Variants in GALNT13 observed in about 807,000 individuals in gnomAD.
The protein encoded by GALNT13 is polypeptide N-acetylgalactosaminyltransferase 13, also known as UDP-GalNAc:polypeptide N-acetylgalactosaminyltransferase 13.
A neutral mutation model predicts 64.2 loss-of-function variants in GALNT13; 28 were observed. The observed-to-expected ratio is 0.44, with a 90% confidence interval of 0.32 to 0.60. The LOEUF (loss-of-function observed/expected upper bound fraction) is 0.60, where lower values mean the gene tolerates loss of function less well. Among genes scored for constraint, GALNT13 ranks in the 20% least tolerant of loss-of-function variants. GALNT13 has a pLI of 0.05. For synonymous variants in GALNT13, 214 were observed against 224.6 expected (o/e 0.95, Z 0.42); for missense variants, 577 against 669.8 (o/e 0.86, Z 1.53).
At chr2:153,813,946 G>T in the GALNT13 span, among the ~76,000 whole-genome samples, 1 of 152,252 alleles carries the variant, frequency 6.6e-6, no homozygotes, top group Middle Eastern at 3.4e-3. Flanking sequence ...TGGCACTTTG[G>T]TGCTCCCTGA....
chr2:153,403,160 G>A, the GALNT13 span, among the ~76,000 whole-genome samples: 2 of 151,074 alleles, frequency 1.3e-5, no homozygotes, highest in South Asian at 2.1e-4. Context: ...AGGACCCTCA[G>A]CTGCAGGTCT....
At chr2:154,307,066 C>A (rs1044927520) in intron 9 of GALNT13, among the ~76,000 whole-genome samples, 2 of 151,748 alleles carry the variant, frequency 1.3e-5, no homozygotes, top group Non-Finnish European at 1.5e-5. Context: ...TGAACAAGGA[C>A]AGTTTGGAGG....
chr2:153,730,011 T>G, the GALNT13 span, among the ~76,000 whole-genome samples: 1 of 152,002 alleles, frequency 6.6e-6, no homozygotes, highest in Non-Finnish European at 1.5e-5. Context: ...ATAACCACAC[T>G]GCCCAAAGCA....
chr2:153,596,606 T>G, the GALNT13 span, among the ~76,000 whole-genome samples: 100 of 152,254 alleles, frequency 6.6e-4, no homozygotes, highest in Middle Eastern at 3.4e-3. Context: ...AATTAATCTT[T>G]AACCTCAATT....
At chr2:153,980,974 AT>A (rs924327152) in intron 3 of GALNT13, among the ~76,000 whole-genome samples, 10 of 152,276 alleles carry the variant, frequency 6.6e-5, no homozygotes, top group African/African-American at 2.2e-4. Flanking sequence ...GCAATCTCAA[AT>A]GATATTTTAT....
chr2:153,611,066 A>G, the GALNT13 span, among the ~76,000 whole-genome samples: 19 of 152,312 alleles, frequency 1.2e-4, no homozygotes, highest in East Asian at 3.7e-3. Context: ...TCAAATCAGC[A>G]AAAAAGAATT....
chr2:154,185,563 T>C (rs1686204656), intron 4 of GALNT13, among the ~76,000 whole-genome samples: 1 of 151,964 alleles, frequency 6.6e-6, no homozygotes, highest in African/African-American at 2.4e-5. Flanking sequence ...TTTGTTTCTT[T>C]GACTGGATAA....
In GALNT13 at chr2:153,991,223, C is replaced by T. The variant is rs1326403114; in HGVS notation, c.142+46584C>T. Reference sequence around the variant, plus strand: ...TGTTTGGAATACTGTTTAACACATTCCAATAAAGCACTGGCTGGGCAGGGC... The same window carrying T: ...TGTTTGGAATACTGTTTAACACATTTCAATAAAGCACTGGCTGGGCAGGGC... On this transcript the variant is annotated intron_variant, in intron 3 of 12. Transcript: ENST00000392825. Among the ~76,000 whole-genome samples the T allele has an allele frequency of 2.6e-5, 4 of 152,098 alleles. No homozygotes were observed. In the East Asian group the frequency reaches 7.7e-4, roughly 29 times the overall value.
the GALNT13 span, among the ~76,000 whole-genome samples, chr2:153,237,276 A>G: frequency 6.6e-6 from 1 of 152,110 alleles, no homozygotes; most frequent in Non-Finnish European, 1.5e-5. Flanking sequence ...CATACAATGT[A>G]TAATAATTAC....
chr2:154,291,796 G>A (rs758209311), intron 8 of GALNT13, among the ~76,000 whole-genome samples: 2 of 152,250 alleles, frequency 1.3e-5, no homozygotes, highest in African/African-American at 2.4e-5. Context: ...AAGAGCGGAC[G>A]CTGAGGCCGA....
the GALNT13 span, among the ~76,000 whole-genome samples, chr2:153,356,975 G>GT: frequency 3.2e-3 from 478 of 151,364 alleles, 1 homozygote; most frequent in African/African-American, 0.011. Flanking sequence ...CTTTTGTTTT[G>GT]TTTTTTGTAT....
At chr2:154,090,304 T>C (rs1367664457) in intron 3 of GALNT13, among the ~76,000 whole-genome samples, 1 of 152,126 alleles carries the variant, frequency 6.6e-6, no homozygotes, top group Non-Finnish European at 1.5e-5. Flanking sequence ...TTCCCTTATT[T>C]TAACCTGTAA....
At chr2:153,741,097 G>C in the GALNT13 span, among the ~76,000 whole-genome samples, 2 of 151,944 alleles carry the variant, frequency 1.3e-5, no homozygotes, top group Non-Finnish European at 2.9e-5. Flanking sequence ...TATTTCTCCA[G>C]CTTCTTCTAT....
At chr2:153,338,933 T>A in the GALNT13 span, among the ~76,000 whole-genome samples, 1 of 152,220 alleles carries the variant, frequency 6.6e-6, no homozygotes, top group African/African-American at 2.4e-5. Context: ...TCCAAGTTCA[T>A]CCACGTGAAC....
At chr2:153,286,277 A>C in the GALNT13 span, among the ~76,000 whole-genome samples, 1 of 152,174 alleles carries the variant, frequency 6.6e-6, no homozygotes, top group Non-Finnish European at 1.5e-5. Flanking sequence ...AGTTAAGTTT[A>C]TACTTGTTTT....
chr2:153,720,401 C>T, the GALNT13 span, among the ~76,000 whole-genome samples: 292 of 151,604 alleles, frequency 1.9e-3, no homozygotes, highest in Non-Finnish European at 2.8e-3. Context: ...AAACGCAGAG[C>T]GCCTCTCCTC....
rs922187362 is a variant in GALNT13, at chr2:154,242,895, A to G, written c.676A>G (p.Lys226Glu). 1 of 1,613,806 alleles carries G rather than the reference A, an allele frequency of 6.2e-7. No homozygotes were observed. Among genetic ancestry groups the G allele is most frequent in the Non-Finnish European group, 8.5e-7 (1 of 1,179,850 alleles). Residue 226 changes from lysine (K) to glutamate (E), a missense_variant, in exon 6 of 13, where the codon AAG becomes GAG. Around this residue, in one of 3 missense-constraint regions of GALNT13, gnomAD observed 341 missense variants for 379.3 expected, o/e 0.90. Transcript: ENST00000392825. Reference protein sequence around the residue: ...GWLEPLLARIKEDRKTVVCPI... With the variant: ...GWLEPLLARIEEDRKTVVCPI... ...GCTGGAGCCTTTGCTGGCAAGAATA[A>G]AGGAAGACAGGTAAGAATTTATGTG...
intron 3 of GALNT13, among the ~76,000 whole-genome samples, chr2:154,014,922 GC>G (rs1248674971): frequency 6.6e-6 from 1 of 152,008 alleles, no homozygotes; most frequent in African/African-American, 2.4e-5. Context: ...GTGAGCCACC[GC>G]GCCCAGCCTC....
At chr2:154,359,851 A>T (rs1696963475) in intron 9 of GALNT13, among the ~76,000 whole-genome samples, 1 of 152,142 alleles carries the variant, frequency 6.6e-6, no homozygotes, top group African/African-American at 2.4e-5. Context: ...GCTGCTCCTC[A>T]GTAAAATGAA....
Sources: allele counts gnomAD v4.1 joint callset (sites outside exome capture counted in the v4.1 genomes callset), GRCh38; gene constraint gnomAD v4.1.1; regional missense constraint gnomAD v4.1.1; transcripts MANE v1.5; gene names NCBI Gene and HGNC (gene_info 2026-07-23, HGNC 2026-07-21).